The following PAX7 variants were observed in gnomAD, a reference collection of about 807,000 sequenced individuals.
PAX7 encodes paired box 7, also known as paired box protein Pax-7.
PAX7 carries 18 observed loss-of-function variants against 50.7 expected under a neutral mutation model. The ratio of observed to expected loss-of-function variants is 0.36; its 90% confidence interval spans 0.25 to 0.53. PAX7 has a LOEUF of 0.53. Ranked by LOEUF, PAX7 falls within the 20% of genes least tolerant of loss-of-function variation. The probability of loss-of-function intolerance (pLI) is 0.93; values close to 1 mark genes in which losing one functional copy is unlikely to be tolerated. For synonymous variants in PAX7, 310 were observed against 290.4 expected, an observed-to-expected ratio of 1.07 and a Z score of -0.69; for missense variants, 644 against 702.9, an observed-to-expected ratio of 0.92 and a Z score of 0.95.
Position 18,686,504 on chromosome 1 carries a change from C to A in PAX7, c.587-5250C>A, listed in dbSNP as rs572146101. Reference sequence around the variant, plus strand: ...AATGCGTTCCCATGTTCACTCCCCCCACGTCCCCCTCCTCGAACCAGCTGC... The same window carrying A: ...AATGCGTTCCCATGTTCACTCCCCCAACGTCCCCCTCCTCGAACCAGCTGC... On this transcript the variant is annotated intron_variant, in intron 4 of 8. Coordinates refer to ENST00000420770, the MANE Select transcript of PAX7 (RefSeq NM_001135254.2). 5.3e-4 allele frequency among the ~76,000 whole-genome samples: 80 copies of A among 152,224 alleles called. 3 individuals carry two copies. Among genetic ancestry groups the A allele is most frequent in the Non-Finnish European group, 1.8e-4 (12 of 68,042 alleles).
At chr1:18,730,904 T>G in intron 7 of PAX7, among the ~76,000 whole-genome samples, 5 of 144,300 alleles carry the variant, frequency 3.5e-5, no homozygotes, top group Non-Finnish European at 3.0e-5. Flanking sequence ...GAGGAAGGGG[T>G]TGGGGGTGGG....
At position 18,631,494 on chromosome 1, in the gene PAX7, A is replaced by T; in HGVS notation, c.-110A>T. 2 of 899,634 alleles carry T rather than the reference A, an allele frequency of 2.2e-6. No homozygotes were observed. The highest frequency in any genetic ancestry group is 3.5e-6 in the Non-Finnish European group (2 of 566,254). 55.7% of individuals were successfully genotyped at this position (899,634 alleles called of 1,614,324 possible). On this transcript the variant is annotated 5_prime_UTR_variant, in exon 1 of 9. Transcript: ENST00000420770. ...GTGTGGAGGGGAGGGAGAAGAGGTT[A>T]AAAAAAAGAAGACGAAGAAGACGGA...
intron 4 of PAX7, among the ~76,000 whole-genome samples, chr1:18,651,758 C>T (rs557387280): frequency 2.0e-5 from 3 of 151,922 alleles, no homozygotes; most frequent in South Asian, 2.1e-4. Flanking sequence ...CTCAAAGTTC[C>T]GTCCCTCCCC....
chr1:18,636,724 C>T lies in PAX7; in HGVS notation c.586+353C>T, dbSNP rs965281901. Among the ~76,000 whole-genome samples, 9 of 149,084 alleles carry T rather than the reference C, an allele frequency of 6.0e-5. No individual in the cohort carries two copies. The highest frequency in any genetic ancestry group is 1.3e-4 in the Non-Finnish European group (9 of 67,514). On this transcript the variant is annotated intron_variant, in intron 4 of 8. Coordinates refer to ENST00000420770, the MANE Select transcript of PAX7 (RefSeq NM_001135254.2). This position sits in a 1 kb window ranked among gnomAD's most constrained non-coding sequence, Gnocchi z 5.1. Reference sequence around the variant, plus strand: ...GCGTTTTGGCTGCTACTCTCGGCGTCGATCAATTATTTATAGGAAACTTGG... The same window carrying T: ...GCGTTTTGGCTGCTACTCTCGGCGTTGATCAATTATTTATAGGAAACTTGG...
intron 4 of PAX7, among the ~76,000 whole-genome samples, chr1:18,672,046 C>CAAGATGAAA (rs1246255101): frequency 6.6e-6 from 1 of 151,930 alleles, no homozygotes; most frequent in Non-Finnish European, 1.5e-5. Flanking sequence ...GTGTAGTTGT[C>CAAGATGAAA]AAGATGAAAT....
chr1:18,734,178 G>C lies in PAX7; in HGVS notation c.1156-1454G>C, dbSNP rs368413341. ...CAAAACGATCACTGCTCGAATGCCC[G>C]CAGCCTGCTTTCTTACCCTGTAAGG... is the stretch of plus-strand genomic sequence containing the variant. On this transcript the variant is annotated intron_variant, in intron 7 of 8. Coordinates refer to ENST00000420770, the MANE Select transcript of PAX7 (RefSeq NM_001135254.2). Among the ~76,000 whole-genome samples, 4 of 152,138 alleles carry C rather than the reference G, an allele frequency of 2.6e-5. No individual in the cohort carries two copies. The East Asian group carries it at 5.8e-4, about 22-fold the overall frequency.
intron 4 of PAX7, among the ~76,000 whole-genome samples, chr1:18,671,978 TA>T (rs879442415): frequency 3.3e-3 from 478 of 143,516 alleles, no homozygotes; most frequent in East Asian, 0.015. Context: ...CCCTGTCTCT[TA>T]AAAAAAAAAA....
At chr1:18,739,834 G>T (rs1931026919) in intron 8 of PAX7, among the ~76,000 whole-genome samples, 1 of 152,224 alleles carries the variant, frequency 6.6e-6, no homozygotes. Context: ...GGGGCCCAGG[G>T]ATGGGGCACA....
At position 18,691,836 on chromosome 1, in the gene PAX7, AT is replaced by A; in HGVS notation, c.671del (p.Phe224SerfsTer33). 6.2e-7 allele frequency: 1 copy of A among 1,613,574 alleles called. No homozygotes were observed. Among genetic ancestry groups the A allele is most frequent in the Non-Finnish European group, 8.5e-7 (1 of 1,179,860 alleles). ...GCAAGCAGCGACGCAGTCGGACCAC[AT>A]TCACGGCCGAGCAGCTGGAGGAGCT... is the stretch of plus-strand genomic sequence containing the variant. Reference protein sequence around the residue: ...KRKQRRSRTTFTAEQLEELEK... With the variant: ...KRKQRRSRTTXTAEQLEELEK... On this transcript the variant is annotated frameshift_variant, in exon 5 of 9. Coordinates refer to ENST00000420770, the MANE Select transcript of PAX7 (RefSeq NM_001135254.2). LOFTEE classifies it high-confidence loss of function.
intron 7 of PAX7, among the ~76,000 whole-genome samples, chr1:18,730,841 G>A (rs1315955740): frequency 6.6e-6 from 1 of 152,048 alleles, no homozygotes; most frequent in Non-Finnish European, 1.5e-5. Flanking sequence ...GGTGAGGCTG[G>A]CCTCTTATTG....
At chr1:18,649,869 G>A (rs116809621) in intron 4 of PAX7, among the ~76,000 whole-genome samples, 2,323 of 152,352 alleles carry the variant, frequency 0.015, 21 homozygotes, top group Non-Finnish European at 0.024. Flanking sequence ...TGGAAGAGCC[G>A]CTTCATGTCT....
chr1:18,689,566 G>C, intron 4 of PAX7, among the ~76,000 whole-genome samples: 1 of 152,118 alleles, frequency 6.6e-6, no homozygotes, highest in Non-Finnish European at 1.5e-5. Flanking sequence ...CACCATCAGA[G>C]ACCACCTGGC....
intron 5 of PAX7, among the ~76,000 whole-genome samples, chr1:18,693,774 G>GGC (rs76421221): frequency 0.36 from 54,440 of 152,068 alleles, 10,032 homozygotes; most frequent in East Asian, 0.44. Context: ...CACATTCCTG[G>GGC]GCGCTTTCTC....
At chr1:18,733,615 G>A (rs2089675143) in intron 7 of PAX7, among the ~76,000 whole-genome samples, 1 of 152,180 alleles carries the variant, frequency 6.6e-6, no homozygotes, top group South Asian at 2.1e-4. Flanking sequence ...CCCCAGGGCT[G>A]AGGGCATGGG....
chr1:18,705,221 G>A (rs2089268942), intron 7 of PAX7, among the ~76,000 whole-genome samples: 1 of 152,200 alleles, frequency 6.6e-6, no homozygotes, highest in Non-Finnish European at 1.5e-5. Flanking sequence ...GACCCCAGTT[G>A]GCTTCTTTGA....
At chr1:18,725,304 C>T (rs952220053) in intron 7 of PAX7, among the ~76,000 whole-genome samples, 4 of 28,732 alleles carry the variant, frequency 1.4e-4, no homozygotes, top group Non-Finnish European at 3.0e-4. Flanking sequence ...GTGGAGACGC[C>T]CCCCCCCCGC....
chr1:18,650,917 C>T (rs1176245409), intron 4 of PAX7, among the ~76,000 whole-genome samples: 1 of 152,134 alleles, frequency 6.6e-6, no homozygotes, highest in African/African-American at 2.4e-5. Context: ...CAGGGCAAGA[C>T]CTCTGCTTTG....
At chr1:18,642,477 T>C (rs940972920) in intron 4 of PAX7, among the ~76,000 whole-genome samples, 3 of 152,130 alleles carry the variant, frequency 2.0e-5, no homozygotes, top group African/African-American at 7.2e-5. Flanking sequence ...AGGCCATGAC[T>C]AAGGGGGGAG....
At chr1:18,644,096 G>A (rs1307744135) in intron 4 of PAX7, among the ~76,000 whole-genome samples, 1 of 152,260 alleles carries the variant, frequency 6.6e-6, no homozygotes, top group South Asian at 2.1e-4. Flanking sequence ...CCCTCTTCCA[G>A]GCTGCGAACG....
Sources: allele counts gnomAD v4.1 joint callset (sites outside exome capture counted in the v4.1 genomes callset), GRCh38; gene constraint gnomAD v4.1.1; non-coding constraint Gnocchi (gnomAD v3.1); transcripts MANE v1.5; gene names NCBI Gene and HGNC (gene_info 2026-07-23, HGNC 2026-07-21).